Variants in TOM1L1 observed in about 807,000 individuals in gnomAD.
TOM1L1 encodes TOM1-like protein 1.
In TOM1L1, 64 loss-of-function variants were observed where a neutral mutation model predicts 63.4. That is an observed-to-expected ratio of 1.01 (90% CI 0.83 to 1.24). TOM1L1 has a LOEUF of 1.24. Among genes scored for constraint, TOM1L1 ranks in the 50% most tolerant of loss-of-function variants. The pLI is 0.00. For missense variants in TOM1L1, 536 were observed against 567.0 expected, an observed-to-expected ratio of 0.95 and a Z score of 0.55; for synonymous variants, 166 against 194.4, an observed-to-expected ratio of 0.85 and a Z score of 1.22.
chr17:54,950,459 A>G (rs2049202431), intron 14 of TOM1L1, among the ~76,000 whole-genome samples: 1 of 152,214 alleles, frequency 6.6e-6, no homozygotes, highest in African/African-American at 2.4e-5. Context: ...ACATAAGTTT[A>G]TGCCACATTG....
intron 4 of TOM1L1, 34 bp from the exon 5 acceptor site, chr17:54,913,714 T>G (rs1256630237): frequency 6.3e-7 from 1 of 1,579,744 alleles, no homozygotes; most frequent in South Asian, 1.2e-5. Flanking sequence ...GTTGCTGTTT[T>G]AACTCTGGAA....
chr17:54,936,876 C>A (rs1187524357), intron 9 of TOM1L1, among the ~76,000 whole-genome samples, 167 bp downstream of exon 9: 1 of 96,074 alleles, frequency 1.0e-5, no homozygotes, highest in South Asian at 3.3e-4. Context: ...ATGTTATTAA[C>A]GTTAATGTTA....
chr17:54,910,223 G>T (rs996040471), intron 3 of TOM1L1, among the ~76,000 whole-genome samples: 2 of 152,096 alleles, frequency 1.3e-5, no homozygotes, highest in South Asian at 2.1e-4. Flanking sequence ...TGGGAGGCCG[G>T]GGTGGATGGA....
At chr17:54,947,531 C>T in intron 12 of TOM1L1, among the ~76,000 whole-genome samples, 1 of 152,226 alleles carries the variant, frequency 6.6e-6, no homozygotes, top group Non-Finnish European at 1.5e-5. Flanking sequence ...TGCTCTTCTA[C>T]CACTCTATGG....
chr17:54,914,602 A>G, intron 5 of TOM1L1, 37 bp from the exon 6 acceptor site: 1 of 1,558,776 alleles, frequency 6.4e-7, no homozygotes, highest in Non-Finnish European at 8.8e-7. Context: ...GGCTATGTTA[A>G]TTCACATAAT....
At chr17:54,938,360 G>C (rs1212942568) in intron 10 of TOM1L1, among the ~76,000 whole-genome samples, 3 of 152,120 alleles carry the variant, frequency 2.0e-5, no homozygotes, top group South Asian at 4.2e-4. Context: ...CGGGAGTGGT[G>C]GTGGGCGCCT....
intron 12 of TOM1L1, among the ~76,000 whole-genome samples, chr17:54,949,221 T>TTTTTTTTTTG (rs2049171400): frequency 6.9e-6 from 1 of 144,858 alleles, no homozygotes; most frequent in African/African-American, 2.7e-5. Context: ...TTTTTTTTTG[T>TTTTTTTTTTG]AGAGTTGGGG....
intron 8 of TOM1L1, among the ~76,000 whole-genome samples, chr17:54,933,680 G>A (rs1286747040): frequency 6.6e-6 from 1 of 152,064 alleles, no homozygotes; most frequent in Non-Finnish European, 1.5e-5. Flanking sequence ...GTACCACCAC[G>A]CCCAGCTAAT....
intron 7 of TOM1L1, among the ~76,000 whole-genome samples, chr17:54,918,809 A>G (rs2048633843): frequency 6.6e-6 from 1 of 152,240 alleles, no homozygotes; most frequent in African/African-American, 2.4e-5. Flanking sequence ...AGATGCATAA[A>G]GTTCACTGAT....
At chr17:54,947,409 T>C (rs531695745) in intron 12 of TOM1L1, 97 bp downstream of exon 12, 127 of 1,394,442 alleles carry the variant, frequency 9.1e-5, no homozygotes, top group Non-Finnish European at 1.3e-4. Context: ...TTCTGCTCAG[T>C]ATTGTGTTGA....
chr17:54,960,409 C>T (rs987388277), intron 14 of TOM1L1, among the ~76,000 whole-genome samples, 157 bp from the exon 15 acceptor site: 2 of 152,058 alleles, frequency 1.3e-5, no homozygotes, highest in East Asian at 1.9e-4. Flanking sequence ...TTTAAATAAA[C>T]TAGAATACAC....
chr17:54,909,478 G>T (rs2048463916), intron 3 of TOM1L1, among the ~76,000 whole-genome samples: 1 of 152,162 alleles, frequency 6.6e-6, no homozygotes, highest in Admixed American at 6.5e-5. Context: ...TGAGAAAACT[G>T]TCAACTACCT....
At chr17:54,943,012 G>A (rs186724470) in intron 11 of TOM1L1, among the ~76,000 whole-genome samples, 22 of 152,268 alleles carry the variant, frequency 1.4e-4, no homozygotes, top group Admixed American at 2.6e-4. Flanking sequence ...GGCTATGTTG[G>A]ATCTTATTGG....
intron 7 of TOM1L1, chr17:54,916,964 G>A (rs920552830): frequency 9.9e-5 from 15 of 152,062 alleles, no homozygotes; most frequent in East Asian, 1.9e-4. Context: ...CTGCTTCACT[G>A]TTCTCTTACA....
intron 7 of TOM1L1, among the ~76,000 whole-genome samples, chr17:54,926,154 A>G (rs2143836884): frequency 6.6e-6 from 1 of 152,348 alleles, no homozygotes; most frequent in African/African-American, 2.4e-5. Flanking sequence ...CTTAGGCAGT[A>G]AAACCATTTT....
rs1045123085 is a variant in TOM1L1 at position 54,914,843 on chromosome 17, G to A, written c.603+100G>A. On this transcript the variant is annotated intron_variant, in intron 6 of 15. Transcript: ENST00000575882. ...TCTGGTTAACAACATTGAGATGTAG[G>A]TACACTCATTTCACAGAGGAAGAGA... The A allele has an allele frequency of 4.7e-5, 43 of 917,932 alleles. No individual in the cohort carries two copies. The East Asian group carries it at 1.0e-3, about 21-fold the overall frequency. The allele number at this position is 917,932 out of a possible 1,614,324, so 56.9% of individuals were successfully genotyped here.
chr17:54,948,087 T>G (rs1306483670), intron 12 of TOM1L1, among the ~76,000 whole-genome samples: 2 of 151,830 alleles, frequency 1.3e-5, no homozygotes, highest in African/African-American at 4.8e-5. Flanking sequence ...TACTTTTACT[T>G]TTGCCTTTTA....
intron 3 of TOM1L1, among the ~76,000 whole-genome samples, 187 bp downstream of exon 3, chr17:54,905,754 ATAATAGCATT>A (rs1306387190): frequency 2.0e-5 from 3 of 152,234 alleles, no homozygotes; most frequent in Non-Finnish European, 2.9e-5. Flanking sequence ...TTAGTTGTTT[ATAATAGCATT>A]TAATAGCATT....
At chr17:54,912,595 GT>G in intron 3 of TOM1L1, 70 bp from the exon 4 acceptor site, 1 of 1,332,066 alleles carries the variant, frequency 7.5e-7, no homozygotes, top group Non-Finnish European at 1.0e-6. Context: ...TTATTTAGCA[GT>G]TTTTCCCTTA....
Sources: allele counts gnomAD v4.1 joint callset (sites outside exome capture counted in the v4.1 genomes callset), GRCh38; gene constraint gnomAD v4.1.1; transcripts MANE v1.5; gene names NCBI Gene and HGNC (gene_info 2026-07-23, HGNC 2026-07-21).